Variants in RBPJ observed in about 807,000 individuals in gnomAD.
The protein encoded by RBPJ is recombining binding protein suppressor of hairless.
In RBPJ, 9 loss-of-function variants were observed where a neutral mutation model predicts 67.8. The observed-to-expected ratio is 0.13, with a 90% confidence interval of 0.08 to 0.23. The LOEUF is 0.23. Ranked by LOEUF, RBPJ falls within the 10% of genes least tolerant of loss-of-function variation. The probability of loss-of-function intolerance (pLI) is 1.00; values close to 1 mark genes in which losing one functional copy is unlikely to be tolerated. For missense variants in RBPJ, 305 were observed against 595.6 expected, an observed-to-expected ratio of 0.51 and a Z score of 5.08; for synonymous variants, 198 against 203.3, an observed-to-expected ratio of 0.97 and a Z score of 0.22.
chr4:26,130,498 C>G, the RBPJ span, among the ~76,000 whole-genome samples: 1 of 152,164 alleles, frequency 6.6e-6, no homozygotes, highest in African/African-American at 2.4e-5. Context: ...TCTCCCCTGC[C>G]TGGTCTCAGT....
the RBPJ span, among the ~76,000 whole-genome samples, chr4:26,109,491 T>TATATATAC: frequency 1.9e-4 from 8 of 41,416 alleles, no homozygotes; most frequent in East Asian, 3.9e-4. Flanking sequence ...TATATATATA[T>TATATATAC]ACACACACAC....
the RBPJ span, among the ~76,000 whole-genome samples, chr4:26,128,898 T>A: frequency 6.6e-6 from 1 of 152,220 alleles, no homozygotes; most frequent in Admixed American, 6.5e-5. Context: ...ATTTTCTCTC[T>A]TGTCTGCCGC....
At chr4:26,232,858 T>A (rs982543043) in intron 1 of RBPJ, among the ~76,000 whole-genome samples, 2 of 152,348 alleles carry the variant, frequency 1.3e-5, no homozygotes, top group South Asian at 4.1e-4. Flanking sequence ...TTATTACAAT[T>A]AAATAAATCC....
rs58688464 is a variant in RBPJ, at chr4:26,389,588, T to C, written c.59+3197T>C. ...ATCATACTAGATAGAAATCCGATTCTGTACAAATTACCAATATCAAGAACA... is the reference window on the plus strand; with the variant it reads ...ATCATACTAGATAGAAATCCGATTCCGTACAAATTACCAATATCAAGAACA... On this transcript the variant is annotated intron_variant, in intron 2 of 10. Coordinates refer to ENST00000355476, the MANE Select transcript of RBPJ (RefSeq NM_015874.6). 1.8e-3 allele frequency among the ~76,000 whole-genome samples: 277 copies of C among 150,050 alleles called. 1 individual carries two copies. The highest frequency in any genetic ancestry group is 6.5e-3 in the African/African-American group (265 of 40,692).
chr4:26,433,014 G>A lies in RBPJ; in HGVS notation c.*2007G>A, dbSNP rs1236243686. ...GAAGGTCATTTGTAAAGCACGTTAG[G>A]TGGTTAAATCAGTTATTGCGGTTTT... is the stretch of plus-strand genomic sequence containing the variant. On this transcript the variant is annotated 3_prime_UTR_variant, in exon 11 of 11. Transcript: ENST00000355476. The A allele has an allele frequency of 6.6e-6, 1 of 152,126 alleles. No individual in the cohort carries two copies. Among genetic ancestry groups the A allele is most frequent in the East Asian group, 1.9e-4 (1 of 5,194 alleles). 9.4% of individuals were successfully genotyped at this position (152,126 alleles called of 1,614,324 possible).
At chr4:26,114,501 A>ATATATATATATATATATATATG in the RBPJ span, among the ~76,000 whole-genome samples, 15 of 144,704 alleles carry the variant, frequency 1.0e-4, no homozygotes, top group African/African-American at 3.7e-4. Flanking sequence ...ATATATATGT[A>ATATATATATATATATATATATG]TGTGTGTGTG....
the RBPJ span, among the ~76,000 whole-genome samples, chr4:26,128,349 A>G: frequency 3.9e-5 from 6 of 152,246 alleles, no homozygotes; most frequent in Admixed American, 1.3e-4. Flanking sequence ...TAACACCTAC[A>G]ACAAAGAAAA....
At chr4:26,121,970 T>G in the RBPJ span, among the ~76,000 whole-genome samples, 1 of 151,764 alleles carries the variant, frequency 6.6e-6, no homozygotes, top group African/African-American at 2.4e-5. Flanking sequence ...CACATTCCAT[T>G]GTTGACCTTG....
chr4:26,285,867 G>C (rs1046105179), intron 1 of RBPJ, among the ~76,000 whole-genome samples: 2 of 152,086 alleles, frequency 1.3e-5, no homozygotes, highest in Non-Finnish European at 2.9e-5. Context: ...TTGGATATAT[G>C]AGTGAAATTA....
At chr4:26,106,136 AG>A in the RBPJ span, among the ~76,000 whole-genome samples, 1 of 152,230 alleles carries the variant, frequency 6.6e-6, no homozygotes, top group South Asian at 2.1e-4. Flanking sequence ...ACTGAAGAGC[AG>A]AGATAACCCA....
intron 1 of RBPJ, among the ~76,000 whole-genome samples, chr4:26,333,631 C>T (rs2109363299): frequency 6.6e-6 from 1 of 152,216 alleles, no homozygotes; most frequent in South Asian, 2.1e-4. Context: ...CTCAAGCATT[C>T]TTCCTGCCTC....
the RBPJ span, among the ~76,000 whole-genome samples, chr4:26,118,124 A>T: frequency 4.7e-4 from 71 of 152,282 alleles, no homozygotes; most frequent in African/African-American, 1.7e-3. Context: ...ACTAAGATTC[A>T]AATATATATT....
At chr4:26,289,384 C>CAAAAAAAAAAAAAAAAAAAAAAAAAAAAA (rs60159669) in intron 1 of RBPJ, among the ~76,000 whole-genome samples, 135 of 78,306 alleles carry the variant, frequency 1.7e-3, no homozygotes, top group Middle Eastern at 8.2e-3. Context: ...GACTTGGTCT[C>CAAAAAAAAAAAAAAAAAAAAAAAAAAAAA]AAAAAAAAAA....
chr4:26,242,405 C>A (rs1374567646), intron 1 of RBPJ, among the ~76,000 whole-genome samples: 1 of 150,352 alleles, frequency 6.7e-6, no homozygotes, highest in African/African-American at 2.5e-5. Flanking sequence ...GGAGATTGCG[C>A]CGCTGTACTC....
chr4:26,344,944 A>G (rs1725977829), intron 1 of RBPJ, among the ~76,000 whole-genome samples: 1 of 152,238 alleles, frequency 6.6e-6, no homozygotes, highest in Admixed American at 6.5e-5. Flanking sequence ...TACAGGTTGA[A>G]TGTGCTGCTT....
rs71643604 is a variant in RBPJ at position 26,254,843 on chromosome 4, A to ATTTTTTTTT, written c.-167+91258_-167+91266dup. On this transcript the variant is annotated intron_variant, in intron 1 of 4. Coordinates refer to the RBPJ transcript ENST00000512351. ...CAGGTGCATGCCACCATGCCCAGCTATTTTTTTTTTTTTTTTTTTTTTTTT... is the reference window on the plus strand; with the variant it reads ...CAGGTGCATGCCACCATGCCCAGCTATTTTTTTTTTTTTTTTTTTTTTTTTTTTTTTTTT... Among the ~76,000 whole-genome samples, 14 of 16,548 alleles carry ATTTTTTTTT rather than the reference A, an allele frequency of 8.5e-4. 3 individuals carry two copies. The highest frequency in any genetic ancestry group is 1.4e-3 in the Non-Finnish European group (13 of 9,214). 10.9% of individuals were successfully genotyped at this position (16,548 alleles called of 152,430 possible).
the RBPJ span, among the ~76,000 whole-genome samples, chr4:26,117,076 A>G: frequency 2.0e-5 from 3 of 152,208 alleles, no homozygotes; most frequent in Non-Finnish European, 4.4e-5. Flanking sequence ...AAAGTTGGCC[A>G]CTCAATTTAT....
the RBPJ span, among the ~76,000 whole-genome samples, chr4:26,152,513 AGCATTTAATAAGT>A: frequency 2.0e-5 from 3 of 152,278 alleles, no homozygotes; most frequent in African/African-American, 4.8e-5. Context: ...GTTCATCTGC[AGCATTTAATAAGT>A]GCTTACTATG....
chr4:26,219,990 A>G (rs144578201), intron 1 of RBPJ, among the ~76,000 whole-genome samples: 4,561 of 151,030 alleles, frequency 0.03, 192 homozygotes, highest in African/African-American at 0.091. Flanking sequence ...TCACTATGTT[A>G]GCCAGGATGG....
Sources: allele counts gnomAD v4.1 joint callset (sites outside exome capture counted in the v4.1 genomes callset), GRCh38; gene constraint gnomAD v4.1.1; transcripts MANE v1.5; gene names NCBI Gene and HGNC (gene_info 2026-07-23, HGNC 2026-07-21).